The following STRN variants were observed in gnomAD, a reference collection of about 807,000 sequenced individuals.
STRN encodes the protein protein phosphatase 2 regulatory subunit B'''alpha.
STRN carries 53 observed loss-of-function variants against 96.3 expected under a neutral mutation model. That is an observed-to-expected ratio of 0.55 (90% CI 0.44 to 0.69). STRN has a LOEUF of 0.69. Ranked by LOEUF, STRN falls within the 30% of genes least tolerant of loss-of-function variation. STRN has a pLI of 0.00. For synonymous variants in STRN, 428 were observed against 355.9 expected, an observed-to-expected ratio of 1.20 and a Z score of -2.28; for missense variants, 987 against 963.9, an observed-to-expected ratio of 1.02 and a Z score of -0.32.
At position 36,839,127 on chromosome 2, in the gene STRN, A is replaced by C. The variant is rs1667886873; in HGVS notation, c.*10329T>G. On this transcript the variant is annotated 3_prime_UTR_variant, in exon 18 of 18. Coordinates refer to ENST00000263918, the MANE Select transcript of STRN (RefSeq NM_003162.4). ...GGTAGGAATGAAGGGGTATGATGGG[A>C]CATGCTTCGTTTTGCCATTATGAAT... is the stretch of plus-strand genomic sequence containing the variant. 6.6e-6 allele frequency among the ~76,000 whole-genome samples: 1 copy of C among 152,242 alleles called. No homozygotes were observed. The highest frequency in any genetic ancestry group is 1.5e-5 in the Non-Finnish European group (1 of 68,032).
chr2:36,912,301 A>G (rs1669982326), intron 3 of STRN, among the ~76,000 whole-genome samples: 1 of 151,834 alleles, frequency 6.6e-6, no homozygotes. Flanking sequence ...CCTTCCAGCT[A>G]TTGCCCTCTA....
At chr2:36,883,401 G>C (rs568232118) in intron 9 of STRN, among the ~76,000 whole-genome samples, 3 of 152,188 alleles carry the variant, frequency 2.0e-5, no homozygotes, top group South Asian at 2.1e-4. Flanking sequence ...AGGTTGTAGC[G>C]AGCCAAGGTC....
At chr2:36,896,584 C>T (rs750240200) in intron 6 of STRN, among the ~76,000 whole-genome samples, 3 of 152,116 alleles carry the variant, frequency 2.0e-5, no homozygotes, top group Non-Finnish European at 2.9e-5. Context: ...ATGGGTTGCA[C>T]AGGATGCCTA....
rs1553390296 is a variant in STRN at position 36,846,429 on chromosome 2, A to AT, written c.*3026_*3027insA. Reference sequence around the variant, plus strand: ...TATATATATATATATATATATATATAGTTTATATATTATATATATTCTTAC... The same window carrying AT: ...TATATATATATATATATATATATATATGTTTATATATTATATATATTCTTAC... On this transcript the variant is annotated 3_prime_UTR_variant, in exon 18 of 18. Coordinates refer to ENST00000263918, the MANE Select transcript of STRN (RefSeq NM_003162.4). The AT allele has an allele frequency of 9.8e-6, 1 of 102,332 alleles. No individual in the cohort carries two copies. Among genetic ancestry groups the AT allele is most frequent in the Non-Finnish European group, 2.0e-5 (1 of 51,142 alleles). 6.3% of individuals were successfully genotyped at this position (102,332 alleles called of 1,614,324 possible).
chr2:36,946,189 G>A (rs1228823418), intron 1 of STRN, among the ~76,000 whole-genome samples: 2 of 149,630 alleles, frequency 1.3e-5, no homozygotes, highest in East Asian at 1.9e-4. Context: ...TATAAATACT[G>A]GAAAATACTA....
At chr2:36,870,849 C>G (rs772602495) in intron 10 of STRN, among the ~76,000 whole-genome samples, 2 of 152,158 alleles carry the variant, frequency 1.3e-5, no homozygotes, top group Non-Finnish European at 2.9e-5. Flanking sequence ...ATGACTGTGA[C>G]TGCCCCTGAA....
intron 10 of STRN, among the ~76,000 whole-genome samples, chr2:36,874,730 A>AC (rs1668856771): frequency 6.7e-6 from 1 of 149,530 alleles, no homozygotes; most frequent in African/African-American, 2.5e-5. Flanking sequence ...AAAAAAAAAA[A>AC]AAAAAAAAAA....
chr2:36,899,551 C>A lies in STRN; in HGVS notation c.767G>T (p.Arg256Ile), dbSNP rs1442729964. ...DEDEDDDVDG[R>I]EKSVIDTSTI... is the part of the protein sequence containing the mutation. ...TGAAGTATCAATGACGCTTTTCTCT[C>A]TTCCATCAACATCATCATCTTCATC... Residue 256 changes from arginine to isoleucine, a missense_variant, in exon 6 of 18, where the codon AGA becomes ATA. Arg to Ile is a moderately conservative substitution (Grantham distance 97, BLOSUM62 -3). Coordinates refer to ENST00000263918, the MANE Select transcript of STRN (RefSeq NM_003162.4). 1 of 1,612,250 alleles carries A rather than the reference C, an allele frequency of 6.2e-7. No homozygotes were observed. The highest frequency in any genetic ancestry group is 8.5e-7 in the Non-Finnish European group (1 of 1,179,636).
chr2:36,931,854 G>A (rs190177385), intron 1 of STRN, among the ~76,000 whole-genome samples: 2 of 152,232 alleles, frequency 1.3e-5, no homozygotes, highest in African/African-American at 4.8e-5. Context: ...TTTGAGACAG[G>A]GTCTCGCTCT....
At chr2:36,917,093 A>C (rs1470483008) in intron 2 of STRN, among the ~76,000 whole-genome samples, 1 of 144,808 alleles carries the variant, frequency 6.9e-6, no homozygotes, top group African/African-American at 2.8e-5. Flanking sequence ...TGGGACATTA[A>C]TATAAACAAC....
intron 1 of STRN, among the ~76,000 whole-genome samples, chr2:36,937,184 A>C (rs1384650456): frequency 2.0e-5 from 3 of 152,080 alleles, no homozygotes; most frequent in Non-Finnish European, 4.4e-5. Flanking sequence ...TCTCTACTAA[A>C]AAATACAAAA....
intron 2 of STRN, among the ~76,000 whole-genome samples, chr2:36,922,343 A>G (rs1320059437): frequency 6.6e-6 from 1 of 151,858 alleles, no homozygotes; most frequent in African/African-American, 2.4e-5. Flanking sequence ...ACAGGGCGAG[A>G]CCCTGTCTCT....
chr2:36,951,305 G>A (rs1041250318), intron 1 of STRN, among the ~76,000 whole-genome samples: 1 of 152,196 alleles, frequency 6.6e-6, no homozygotes, highest in Non-Finnish European at 1.5e-5. Flanking sequence ...GCATCAAGTA[G>A]CAATTATGAA....
At chr2:36,884,386 TAC>T (rs1418987635) in intron 8 of STRN, among the ~76,000 whole-genome samples, 1 of 152,204 alleles carries the variant, frequency 6.6e-6, no homozygotes, top group African/African-American at 2.4e-5. Context: ...TGCAGCCAGA[TAC>T]AGATTGTGAG....
rs190624000 is a variant in STRN at position 36,845,674 on chromosome 2, C to G, written c.*3782G>C. ...CATAATTTTGGTGAACAAATAATTT[C>G]TCCTTCTACCTGAACTTTACTATAA... is the stretch of plus-strand genomic sequence containing the variant. On this transcript the variant is annotated 3_prime_UTR_variant, in exon 18 of 18. Transcript: ENST00000263918. 11 of 152,072 alleles carry G rather than the reference C, an allele frequency of 7.2e-5. No individual in the cohort carries two copies. In the East Asian group the frequency reaches 2.1e-3, roughly 29 times the overall value. The allele number at this position is 152,072 out of a possible 1,614,324, so 9.4% of individuals were successfully genotyped here.
intron 1 of STRN, among the ~76,000 whole-genome samples, chr2:36,958,373 A>T (rs1664946072): frequency 6.6e-6 from 1 of 152,210 alleles, no homozygotes; most frequent in Admixed American, 6.5e-5. Flanking sequence ...GACACTAACT[A>T]AAAAATAACT....
chr2:36,880,544 T>C (rs1447018063), intron 9 of STRN, among the ~76,000 whole-genome samples: 3 of 152,222 alleles, frequency 2.0e-5, no homozygotes, highest in African/African-American at 7.2e-5. Context: ...ATTATCAAAC[T>C]ACCATACAAT....
chr2:36,923,932 A>G lies in STRN; in HGVS notation c.338+1173T>C, dbSNP rs192543958. Reference sequence around the variant, plus strand: ...CATATAACTTCCAAAAATCTCACTCATGACCTATTTTCCTTTACTTGTGAC... The same window carrying G: ...CATATAACTTCCAAAAATCTCACTCGTGACCTATTTTCCTTTACTTGTGAC... On this transcript the variant is annotated intron_variant, in intron 2 of 17. Transcript: ENST00000263918. Among the ~76,000 whole-genome samples the G allele has an allele frequency of 2.0e-5, 3 of 152,360 alleles. No homozygotes were observed. The East Asian group carries it at 5.8e-4, about 29-fold the overall frequency.
chr2:36,961,202 C>T (rs1424431571), intron 1 of STRN, among the ~76,000 whole-genome samples: 1 of 142,434 alleles, frequency 7.0e-6, no homozygotes, highest in African/African-American at 2.6e-5. Context: ...TCATGACTCA[C>T]TGCAGCTTCA....
Sources: gnomAD v4.1 joint callset for allele counts (sites outside exome capture counted in the v4.1 genomes callset) on GRCh38, gnomAD v4.1.1 for gene constraint, MANE v1.5 for transcripts, NCBI Gene and HGNC (gene_info 2026-07-23, HGNC 2026-07-21) for gene names.